Variants in EIF2AK3 observed in about 807,000 individuals in gnomAD.
EIF2AK3 encodes the protein eukaryotic translation initiation factor 2-alpha kinase 3.
In EIF2AK3, 50 loss-of-function variants were observed where a neutral mutation model predicts 113.5. The observed-to-expected ratio is 0.44, with a 90% CI of 0.35 to 0.56. The LOEUF (loss-of-function observed/expected upper bound fraction) is 0.56. Ranked by LOEUF, EIF2AK3 falls within the 20% of genes least tolerant of loss-of-function variation. EIF2AK3 has a pLI of 0.00. For missense variants in EIF2AK3, 1,185 were observed against 1,378.0 expected (o/e 0.86, Z 2.22); for synonymous variants, 448 against 495.4 (o/e 0.90, Z 1.27).
intron 5 of EIF2AK3, 47 bp from the exon 6 acceptor site, chr2:88,590,652 A>G: frequency 6.3e-7 from 1 of 1,598,882 alleles, no homozygotes; most frequent in Non-Finnish European, 8.5e-7. Context: ...AGCAGTAGTT[A>G]TATAGTTCCA....
chr2:88,582,134 A>AGGTGTTCTTCCTCTGGT (rs1291028603), intron 10 of EIF2AK3, among the ~76,000 whole-genome samples: 9 of 152,150 alleles, frequency 5.9e-5, no homozygotes, highest in Non-Finnish European at 1.2e-4. Context: ...TCTAAGGGAG[A>AGGTGTTCTTCCTCTGGT]GGAACACTTC....
In EIF2AK3 at chr2:88,580,569, T is replaced by G. The variant is rs146766753; in HGVS notation, c.1764-929A>C. 7.9e-4 allele frequency among the ~76,000 whole-genome samples: 121 copies of G among 152,288 alleles called. No individual in the cohort carries two copies. In the East Asian group the frequency reaches 0.021, roughly 27 times the overall value. On this transcript the variant is annotated intron_variant, in intron 10 of 16. Coordinates refer to ENST00000303236, the MANE Select transcript of EIF2AK3 (RefSeq NM_004836.7). ...TTTTGGGGGCCATGAATGCAGAAAA[T>G]CATTCTTGTTTCTCTTTGTATTTCC...
chr2:88,562,420 A>T (rs780704039), intron 14 of EIF2AK3, 30 bp from the exon 15 acceptor site: 17 of 1,551,830 alleles, frequency 1.1e-5, no homozygotes, highest in East Asian at 2.2e-5. Flanking sequence ...AAATTTAAAA[A>T]TTAACACAGA....
intron 15 of EIF2AK3, 66 bp from the exon 16 acceptor site, chr2:88,559,045 T>C: frequency 8.9e-7 from 1 of 1,120,068 alleles, no homozygotes; most frequent in Non-Finnish European, 1.3e-6. Context: ...TATTTTTTGA[T>C]ACTCTAACAA....
In EIF2AK3 at chr2:88,579,644, T is replaced by TA. The variant is rs1558650353; in HGVS notation, c.1764-5dup. 6.2e-7 allele frequency: 1 copy of TA among 1,612,150 alleles called. No homozygotes were observed. The highest frequency in any genetic ancestry group is 8.5e-7 in the Non-Finnish European group (1 of 1,178,842). On this transcript the variant is annotated splice_polypyrimidine_tract_variant and splice_region_variant and intron_variant, in intron 10 of 16. Coordinates refer to ENST00000303236, the MANE Select transcript of EIF2AK3 (RefSeq NM_004836.7). The stretch of plus-strand genomic sequence containing the variant: ...TGGCTCAAAATCAGTTAGATATCTT[T>TA]AAAAAGAGATAAAATTTATAAAGGT...
intron 3 of EIF2AK3, among the ~76,000 whole-genome samples, chr2:88,595,206 C>CAAAAA (rs11339424): frequency 6.7e-5 from 4 of 59,456 alleles, no homozygotes; most frequent in Non-Finnish European, 1.2e-4. Context: ...GACTCTGTCT[C>CAAAAA]AAAAAAAAAA....
intron 14 of EIF2AK3, among the ~76,000 whole-genome samples, chr2:88,563,861 G>C (rs567640280): frequency 2.4e-4 from 37 of 152,182 alleles, no homozygotes; most frequent in African/African-American, 5.3e-4. Flanking sequence ...CACACACACA[G>C]AGAGAGAAAA....
Position 88,557,757 on chromosome 2 carries a change from A to G in EIF2AK3, c.3330T>C (p.His1110=), listed in dbSNP as rs145982613. Residue 1110 remains histidine, a synonymous_variant, in exon 17 of 17, where the codon CAT becomes CAC. Coordinates refer to ENST00000303236, the MANE Select transcript of EIF2AK3 (RefSeq NM_004836.7). ...AAGGCTAATTGCTTGGCAAAGGGCTATGGGAGTTGTTGGACTGTCTTGAAT... is the reference window on the plus strand; with the variant it reads ...AAGGCTAATTGCTTGGCAAAGGGCTGTGGGAGTTGTTGGACTGTCTTGAAT... The part of the protein sequence containing the change: ...TKHSRQSNNS[H]SPLPSN 5 of 1,614,014 alleles carry G rather than the reference A, an allele frequency of 3.1e-6. No homozygotes were observed. The highest frequency in any genetic ancestry group is 1.3e-5 in the African/African-American group (1 of 74,940).
chr2:88,608,084 C>CA (rs1675333352), intron 2 of EIF2AK3, among the ~76,000 whole-genome samples: 1 of 152,184 alleles, frequency 6.6e-6, no homozygotes, highest in Non-Finnish European at 1.5e-5. Flanking sequence ...AGTATTCCAG[C>CA]AAAAGTACAT....
In EIF2AK3 at chr2:88,588,682, A is replaced by G. The variant is rs1674800415; in HGVS notation, c.1306+79T>C. The G allele has an allele frequency of 3.4e-6, 5 of 1,477,918 alleles. No individual in the cohort carries two copies. The South Asian group carries it at 5.7e-5, about 17-fold the overall frequency. The allele number at this position is 1,477,918 out of a possible 1,614,324, so 91.6% of individuals were successfully genotyped here. On this transcript the variant is annotated intron_variant, in intron 7 of 16. Transcript: ENST00000303236. ...ATATAACAGTTCTTATCTCTGCAGTATTCAAAACTAGGGCAAAGACAGTCA... is the reference window on the plus strand; with the variant it reads ...ATATAACAGTTCTTATCTCTGCAGTGTTCAAAACTAGGGCAAAGACAGTCA...
At chr2:88,578,588 A>T (rs920906219) in intron 11 of EIF2AK3, among the ~76,000 whole-genome samples, 22 of 151,558 alleles carry the variant, frequency 1.5e-4, no homozygotes, top group African/African-American at 5.3e-4. Flanking sequence ...AGGCTGAGGC[A>T]TGAGAATCAC....
At position 88,562,387 on chromosome 2, in the gene EIF2AK3, G is replaced by A; in HGVS notation, c.2989C>T (p.His997Tyr). 1 of 1,612,668 alleles carries A rather than the reference G, an allele frequency of 6.2e-7. No homozygotes were observed. Among genetic ancestry groups the A allele is most frequent in the Non-Finnish European group, 8.5e-7 (1 of 1,178,762 alleles). ...TKLYMSPEQI[H>Y]GNSYSHKVDI... Reference sequence around the variant, plus strand: ...ACTTTATGAGAATAGCTGTTTCCATGAATCTGAAATCCCACATAAAGAAAA... The same window carrying A: ...ACTTTATGAGAATAGCTGTTTCCATAAATCTGAAATCCCACATAAAGAAAA... The change falls in exon 15 of 17, where the codon CAT (histidine) becomes TAT (tyrosine). Residue 997 changes from histidine (H) to tyrosine (Y), a missense_variant. His to Tyr is a moderately conservative substitution (Grantham distance 83, BLOSUM62 2). Transcript: ENST00000303236.
At chr2:88,576,367 AC>A (rs1454090116) in intron 12 of EIF2AK3, among the ~76,000 whole-genome samples, 186 bp downstream of exon 12, 3 of 152,152 alleles carry the variant, frequency 2.0e-5, no homozygotes, top group African/African-American at 7.2e-5. Context: ...GGCATGAGTC[AC>A]CCGTGTATGT....
intron 14 of EIF2AK3, among the ~76,000 whole-genome samples, chr2:88,570,325 A>G (rs980810867): frequency 4.6e-5 from 7 of 152,194 alleles, no homozygotes; most frequent in African/African-American, 1.7e-4. Context: ...GTGGCTGAGC[A>G]TGCTCGCCTG....
intron 3 of EIF2AK3, 96 bp downstream of exon 3, chr2:88,595,373 T>C: frequency 8.0e-7 from 1 of 1,252,584 alleles, no homozygotes; most frequent in Non-Finnish European, 1.1e-6. Flanking sequence ...AAAATTACAA[T>C]AAAACTCAAC....
At chr2:88,577,070 G>A (rs781290653) in intron 11 of EIF2AK3, among the ~76,000 whole-genome samples, 3 of 150,208 alleles carry the variant, frequency 2.0e-5, no homozygotes, top group Non-Finnish European at 4.4e-5. Flanking sequence ...TGCAACCTCC[G>A]CCTCCCTGGT....
intron 2 of EIF2AK3, among the ~76,000 whole-genome samples, chr2:88,600,453 T>G (rs552082847): frequency 1.3e-5 from 2 of 152,342 alleles, no homozygotes; most frequent in South Asian, 2.1e-4. Context: ...GATTCGCTGC[T>G]CTGCATCTCA....
In EIF2AK3 at chr2:88,558,969, T is replaced by C; in HGVS notation, c.3098A>G (p.Asp1033Gly). 1 of 1,593,212 alleles carries C rather than the reference T, an allele frequency of 6.3e-7. No homozygotes were observed. The highest frequency in any genetic ancestry group is 8.6e-7 in the Non-Finnish European group (1 of 1,162,098). ...TQMERVRTLTDVRNLKFPPLF... is the reference protein window; with the variant it reads ...TQMERVRTLTGVRNLKFPPLF... ...TGGTGGAAATTTGAGATTTCTTACA[T>C]CAGTTAAGGTCTAAAAAGAAAAAAA... Residue 1033 changes from aspartate to glycine, a missense_variant, in exon 16 of 17, where the codon GAT (aspartate) becomes GGT (glycine). Physicochemically the swap from Asp to Gly is moderately conservative, Grantham distance 94. Transcript: ENST00000303236.
intron 10 of EIF2AK3, among the ~76,000 whole-genome samples, chr2:88,581,477 G>A (rs1674599598): frequency 6.6e-6 from 1 of 152,020 alleles, no homozygotes; most frequent in South Asian, 2.1e-4. Flanking sequence ...TAGTGATTTG[G>A]TTCATGGCTT....
Sources: allele counts gnomAD v4.1 joint callset (sites outside exome capture counted in the v4.1 genomes callset), GRCh38; gene constraint gnomAD v4.1.1; transcripts MANE v1.5; gene names NCBI Gene and HGNC (gene_info 2026-07-23, HGNC 2026-07-21).